The following PRP4K variants were observed in gnomAD, a reference collection of about 807,000 sequenced individuals.
PRP4K encodes the protein serine/threonine-protein kinase PRP4 homolog.
At chr6:4,054,312 A>G in the PRP4K span, among the ~76,000 whole-genome samples, 2 of 152,126 alleles carry the variant, frequency 1.3e-5, no homozygotes, top group African/African-American at 4.8e-5. Context: ...TTAATATCTT[A>G]AAATATTTCC....
At chr6:4,053,034 C>T in the PRP4K span, among the ~76,000 whole-genome samples, 1 of 152,120 alleles carries the variant, frequency 6.6e-6, no homozygotes, top group African/African-American at 2.4e-5. Context: ...TCTTGGAAAT[C>T]GGACAGTGAA....
the PRP4K span, among the ~76,000 whole-genome samples, chr6:4,033,645 A>G: frequency 1.3e-5 from 2 of 152,168 alleles, no homozygotes; most frequent in Non-Finnish European, 2.9e-5. Context: ...TATACTATAT[A>G]AGGATGTTAT....
chr6:4,021,526 G>A, the PRP4K span: 2 of 1,552,506 alleles, frequency 1.3e-6, no homozygotes, highest in Non-Finnish European at 1.7e-6. Flanking sequence ...AGTGGGAGCT[G>A]CACGGGGTGG....
the PRP4K span, among the ~76,000 whole-genome samples, chr6:4,047,891 C>T: frequency 7.5e-6 from 1 of 133,870 alleles, no homozygotes; most frequent in Non-Finnish European, 1.6e-5. Context: ...GATAAATAGT[C>T]ATGTATATGT....
chr6:4,028,825 C>A, the PRP4K span, among the ~76,000 whole-genome samples: 1 of 152,032 alleles, frequency 6.6e-6, no homozygotes, highest in Non-Finnish European at 1.5e-5. Flanking sequence ...CTCAGTCATA[C>A]CGCCATTCTC....
chr6:4,023,583 A>T, the PRP4K span, among the ~76,000 whole-genome samples: 3 of 152,144 alleles, frequency 2.0e-5, no homozygotes, highest in Non-Finnish European at 4.4e-5. Flanking sequence ...ACATTTTTTG[A>T]TGTGACATGT....
the PRP4K span, among the ~76,000 whole-genome samples, chr6:4,046,452 T>A: frequency 7.2e-5 from 11 of 152,208 alleles, no homozygotes; most frequent in African/African-American, 2.7e-4. Context: ...TTTTATTTTT[T>A]AGCCAGGTTT....
chr6:4,049,609 A>C, the PRP4K span: 2 of 971,580 alleles, frequency 2.1e-6, no homozygotes, highest in Non-Finnish European at 3.0e-6. Flanking sequence ...TTGATTCTTC[A>C]TTGTGTCTAG....
chr6:4,029,478 A>AT, the PRP4K span, among the ~76,000 whole-genome samples: 25 of 149,958 alleles, frequency 1.7e-4, no homozygotes, highest in Non-Finnish European at 7.4e-5. Context: ...TGAATAGCTA[A>AT]TTTTTTTTAT....
chr6:4,040,328 A>G, the PRP4K span, among the ~76,000 whole-genome samples: 9 of 152,218 alleles, frequency 5.9e-5, no homozygotes, highest in African/African-American at 2.2e-4. Flanking sequence ...CATAAGTCAC[A>G]CTCAAGTTAG....
chr6:4,021,701 G>T, the PRP4K span, among the ~76,000 whole-genome samples: 1 of 152,214 alleles, frequency 6.6e-6, no homozygotes, highest in Non-Finnish European at 1.5e-5. Context: ...TCGTTGCCCC[G>T]GGAGGCGTAG....
At chr6:4,062,517 A>G in the PRP4K span, 1 of 152,630 alleles carries the variant, frequency 6.6e-6, no homozygotes, top group African/African-American at 2.4e-5. This position sits in a 1 kb window ranked among gnomAD's most constrained non-coding sequence, Gnocchi z 4.2. Context: ...GGTTTAAATA[A>G]TATTTTTAAA....
At chr6:4,032,370 A>T in the PRP4K span, 1 of 1,614,120 alleles carries the variant, frequency 6.2e-7, no homozygotes, top group Non-Finnish European at 8.5e-7. Context: ...TGAAAGTAGA[A>T]GTCGCGATCG....
At chr6:4,047,901 T>TGCAC in the PRP4K span, among the ~76,000 whole-genome samples, 1 of 142,008 alleles carries the variant, frequency 7.0e-6, no homozygotes, top group African/African-American at 2.6e-5. Flanking sequence ...CATGTATATG[T>TGCAC]ACACACACAC....
the PRP4K span, among the ~76,000 whole-genome samples, chr6:4,036,511 C>G: frequency 0.033 from 5,018 of 152,150 alleles, 278 homozygotes; most frequent in African/African-American, 0.12. Flanking sequence ...TGTGAGCCAC[C>G]ACACCTAGCT....
chr6:4,048,990 T>A, the PRP4K span: 18 of 1,567,758 alleles, frequency 1.1e-5, no homozygotes, highest in Non-Finnish European at 1.6e-5. Flanking sequence ...GTGGGTAAAC[T>A]GTTCATGTTG....
the PRP4K span, chr6:4,061,035 G>C: frequency 4.9e-6 from 1 of 202,538 alleles, no homozygotes; most frequent in Non-Finnish European, 1.0e-5. Flanking sequence ...GCAGGCCACA[G>C]CAGCATGCCC....
chr6:4,050,698 T>A, the PRP4K span: 5 of 154,086 alleles, frequency 3.2e-5, no homozygotes. Flanking sequence ...TTAATGTGTT[T>A]GAAATGTTGG....
chr6:4,047,510 T>G, the PRP4K span, among the ~76,000 whole-genome samples: 1 of 152,216 alleles, frequency 6.6e-6, no homozygotes, highest in East Asian at 1.9e-4. Context: ...TGTACAGTAT[T>G]GTGTATTTAA....
Sources: gnomAD v4.1 joint callset for allele counts (sites outside exome capture counted in the v4.1 genomes callset) on GRCh38, gnomAD v4.1.1 for gene constraint, Gnocchi (gnomAD v3.1) non-coding constraint, MANE v1.5 for transcripts, NCBI Gene and HGNC (gene_info 2026-07-23, HGNC 2026-07-21) for gene names.